The following SMAD3 variants were observed in gnomAD, a reference collection of about 807,000 sequenced individuals.
SMAD3 encodes SMAD family member 3, also known as MAD homolog 3.
Under a neutral mutation model 51.8 loss-of-function variants are expected in SMAD3, and 12 were observed. The observed-to-expected ratio is 0.23, with a 90% CI of 0.15 to 0.38. The LOEUF is 0.38. SMAD3 is among the 10% of genes least tolerant of loss of function. The pLI, the probability that SMAD3 is intolerant of heterozygous loss-of-function variation, is 1.00. For synonymous variants in SMAD3, 238 were observed against 227.7 expected (o/e 1.05, Z -0.41); for missense variants, 294 against 565.6 (o/e 0.52, Z 4.87).
chr15:67,071,718 A>G (rs2140194745), intron 1 of SMAD3, among the ~76,000 whole-genome samples: 1 of 152,290 alleles, frequency 6.6e-6, no homozygotes, highest in Middle Eastern at 3.4e-3. Context: ...AGGCTGAGGC[A>G]AGAGAATGGC....
At chr15:67,121,653 T>G (rs971920535) in intron 1 of SMAD3, among the ~76,000 whole-genome samples, 3 of 152,124 alleles carry the variant, frequency 2.0e-5, no homozygotes, top group Non-Finnish European at 2.9e-5. Flanking sequence ...CTTCAGCCAT[T>G]TAGTCTATAC....
chr15:67,185,676 G>A (rs915525670), intron 7 of SMAD3, among the ~76,000 whole-genome samples: 3 of 152,222 alleles, frequency 2.0e-5, no homozygotes, highest in African/African-American at 4.8e-5. Context: ...CTGCACCCCC[G>A]AGAGTGGTTT....
At chr15:67,190,124 C>T (rs1277374814) in intron 8 of SMAD3, among the ~76,000 whole-genome samples, 1 of 151,932 alleles carries the variant, frequency 6.6e-6, no homozygotes, top group Admixed American at 6.6e-5. Flanking sequence ...TCTGGGGTAC[C>T]CTGCAATTGA....
intron 5 of SMAD3, among the ~76,000 whole-genome samples, chr15:67,176,064 A>G (rs1005667339): frequency 6.6e-5 from 10 of 152,338 alleles, no homozygotes; most frequent in East Asian, 5.8e-4. Flanking sequence ...CTAAAAGGGC[A>G]TGGGGGTCTC....
intron 8 of SMAD3, among the ~76,000 whole-genome samples, chr15:67,189,974 C>T (rs889934746): frequency 2.0e-5 from 3 of 151,988 alleles, no homozygotes; most frequent in Non-Finnish European, 2.9e-5. Context: ...CACACGTCAT[C>T]GTCGCCTGCT....
chr15:67,068,485 C>T (rs1484345832), intron 1 of SMAD3, among the ~76,000 whole-genome samples: 1 of 152,210 alleles, frequency 6.6e-6, no homozygotes, highest in Non-Finnish European at 1.5e-5. Flanking sequence ...TTTCCTCTTC[C>T]AAAGTCCTGC....
chr15:67,086,980 C>T (rs930919050), intron 1 of SMAD3, among the ~76,000 whole-genome samples: 1 of 151,952 alleles, frequency 6.6e-6, no homozygotes, highest in Non-Finnish European at 1.5e-5. Context: ...ACTACAACCT[C>T]CACCTCCCAG....
intron 5 of SMAD3, among the ~76,000 whole-genome samples, chr15:67,178,278 T>C (rs1373347659): frequency 1.5e-4 from 23 of 152,156 alleles, no homozygotes; most frequent in Non-Finnish European, 1.5e-4. Flanking sequence ...CTGCCAGCTT[T>C]TTCTTTTTTT....
intron 1 of SMAD3, among the ~76,000 whole-genome samples, chr15:67,148,492 ACTCT>A (rs1399452950): frequency 1.3e-5 from 2 of 152,030 alleles, no homozygotes; most frequent in South Asian, 2.1e-4. Flanking sequence ...GCCACAGATG[ACTCT>A]CTCTCCCTGG....
At chr15:67,147,631 C>T (rs1962014428) in intron 1 of SMAD3, among the ~76,000 whole-genome samples, 1 of 152,116 alleles carries the variant, frequency 6.6e-6, no homozygotes, top group Non-Finnish European at 1.5e-5. Flanking sequence ...ATTTGCACAC[C>T]ACCCTTCCAC....
intron 1 of SMAD3, among the ~76,000 whole-genome samples, chr15:67,102,163 A>G (rs770880760): frequency 1.3e-5 from 2 of 151,958 alleles, no homozygotes; most frequent in Admixed American, 6.6e-5. Context: ...GCTTGTTCAG[A>G]ATGAGGATAA....
chr15:67,138,075 C>A, intron 1 of SMAD3: 2 of 1,551,754 alleles, frequency 1.3e-6, no homozygotes, highest in African/African-American at 2.7e-5. Context: ...AGCTCTGGTA[C>A]ACCGGAAAGC....
Position 67,182,999 on chromosome 15 carries a change from AAATATAT to A in SMAD3, c.871+1548_871+1554del, listed in dbSNP as rs1371049132. On this transcript the variant is annotated intron_variant, in intron 6 of 8. Coordinates refer to ENST00000327367, the MANE Select transcript of SMAD3 (RefSeq NM_005902.4). The stretch of plus-strand genomic sequence containing the variant: ...TCTATATTTTATTAAAAAAAAAAAA[AAATATAT>A]ATATATATATATATATATATATATA... Among the ~76,000 whole-genome samples, 127 of 50,208 alleles carry A rather than the reference AAATATAT, an allele frequency of 2.5e-3. 1 individual carries two copies. Among genetic ancestry groups the A allele is most frequent in the Admixed American group, 5.1e-3 (16 of 3,118 alleles). The allele number at this position is 50,208 out of a possible 152,430, so 32.9% of individuals were successfully genotyped here.
intron 1 of SMAD3, among the ~76,000 whole-genome samples, chr15:67,161,417 T>C (rs571396510): frequency 1.8e-4 from 28 of 152,324 alleles, no homozygotes; most frequent in Non-Finnish European, 3.1e-4. Context: ...TTCTATCACC[T>C]AGATGGAGCT....
intron 2 of SMAD3, 55 bp downstream of exon 2, chr15:67,165,143 C>T (rs1962544226): frequency 6.3e-7 from 1 of 1,594,714 alleles, no homozygotes. Flanking sequence ...CATCACCTCT[C>T]CCCGGCTCCC....
chr15:67,136,488 C>A (rs1188022367), intron 1 of SMAD3, among the ~76,000 whole-genome samples: 7 of 152,168 alleles, frequency 4.6e-5, no homozygotes, highest in African/African-American at 1.4e-4. Context: ...CACCACCACA[C>A]CTGGCTAATT....
At chr15:67,168,784 C>T (rs28627002) in intron 4 of SMAD3, among the ~76,000 whole-genome samples, 1,587 of 152,220 alleles carry the variant, frequency 0.01, 23 homozygotes, top group African/African-American at 0.037. Flanking sequence ...ACCAGACTTG[C>T]GGACCCCAGC....
At chr15:67,104,641 C>T (rs1488556996) in intron 1 of SMAD3, among the ~76,000 whole-genome samples, 1 of 152,238 alleles carries the variant, frequency 6.6e-6, no homozygotes, top group Non-Finnish European at 1.5e-5. Context: ...AGACGGATAA[C>T]TTTGGCAAAG....
At chr15:67,099,109 T>G in intron 1 of SMAD3, 1 of 677,678 alleles carries the variant, frequency 1.5e-6, no homozygotes. Context: ...CTGTGACTTC[T>G]GCATTCCTGG....
Sources: gnomAD v4.1 joint callset for allele counts (sites outside exome capture counted in the v4.1 genomes callset) on GRCh38, gnomAD v4.1.1 for gene constraint, MANE v1.5 for transcripts, NCBI Gene and HGNC (gene_info 2026-07-23, HGNC 2026-07-21) for gene names.